Variants in XKR8 observed in about 807,000 individuals in gnomAD.
XKR8 encodes XK related 8, also known as XK-related protein 8.
Under a neutral mutation model 17.1 loss-of-function variants are expected in XKR8, and 10 were observed. The ratio of observed to expected loss-of-function variants is 0.59; its 90% CI spans 0.36 to 0.99. XKR8 has a LOEUF of 0.99. Among genes scored for constraint, XKR8 ranks in the 50% least tolerant of loss-of-function variants. The pLI, the probability that XKR8 is intolerant of heterozygous loss-of-function variation, is 0.01. For synonymous variants in XKR8, 213 were observed against 251.9 expected (o/e 0.85, Z 1.46); for missense variants, 411 against 515.6 (o/e 0.80, Z 1.96).
chr1:27,965,383 G>C lies in XKR8; in HGVS notation c.491-1120G>C, dbSNP rs866545335. Reference sequence around the variant, plus strand: ...GCTGCTGGGGGATCCCAAGTGAGCAGAGTCTGTTTTCTACCCTCGAGGAGC... The same window carrying C: ...GCTGCTGGGGGATCCCAAGTGAGCACAGTCTGTTTTCTACCCTCGAGGAGC... On this transcript the variant is annotated intron_variant, in intron 2 of 2. Coordinates refer to ENST00000373884, the MANE Select transcript of XKR8 (RefSeq NM_018053.4). The surrounding 1 kb of genome is among the most constrained non-coding windows in gnomAD (Gnocchi z 4.1). Among the ~76,000 whole-genome samples the C allele has an allele frequency of 1.1e-4, 17 of 152,174 alleles. No individual in the cohort carries two copies. Among genetic ancestry groups the C allele is most frequent in the African/African-American group, 3.9e-4 (16 of 41,436 alleles).
chr1:27,965,585 G>T lies in XKR8; in HGVS notation c.491-918G>T, dbSNP rs1055608093. On this transcript the variant is annotated intron_variant, in intron 2 of 2. Transcript: ENST00000373884. This position sits in a 1 kb window ranked among gnomAD's most constrained non-coding sequence, Gnocchi z 4.1. ...TGGAGGAGTAGGCCGGGGAAGTGGG[G>T]CCTGTGCTTCTGGCGACCTAACATC... Among the ~76,000 whole-genome samples, 9 of 152,102 alleles carry T rather than the reference G, an allele frequency of 5.9e-5. No individual in the cohort carries two copies. Among genetic ancestry groups the T allele is most frequent in the African/African-American group, 2.2e-4 (9 of 41,404 alleles).
intron 1 of XKR8, among the ~76,000 whole-genome samples, chr1:27,961,457 T>C (rs1165121011): frequency 6.6e-6 from 1 of 152,180 alleles, no homozygotes; most frequent in Non-Finnish European, 1.5e-5. Context: ...GAGCTTTGAA[T>C]GTGGCAGTTT....
At chr1:27,962,257 AT>A (rs1216245847) in intron 1 of XKR8, among the ~76,000 whole-genome samples, 1 of 152,164 alleles carries the variant, frequency 6.6e-6, no homozygotes, top group Non-Finnish European at 1.5e-5. Context: ...GCTGCTTATA[AT>A]TTTTTGTTTG....
Position 27,967,021 on chromosome 1 carries a change from T to A in XKR8, c.1009T>A (p.Tyr337Asn). The change falls in exon 3 of 3, where the codon TAC (tyrosine) becomes AAC (asparagine). Residue 337 changes from tyrosine (Y) to asparagine (N), a missense_variant. By Grantham distance (143) the Tyr-to-Asn change is moderately radical (BLOSUM62 -2). Transcript: ENST00000373884. The surrounding 1 kb of genome is among the most constrained non-coding windows in gnomAD (Gnocchi z 4.3). Reference protein sequence around the residue: ...FFLGLALRLVYYHWLHPSCCW... With the variant: ...FFLGLALRLVNYHWLHPSCCW... ...TCTGGGCCTGGCTCTGCGGCTTGTG[T>A]ACTACCACTGGCTGCACCCTAGCTG... 6.2e-7 allele frequency: 1 copy of A among 1,614,080 alleles called. No homozygotes were observed. The highest frequency in any genetic ancestry group is 8.5e-7 in the Non-Finnish European group (1 of 1,179,994).
In XKR8 at chr1:27,960,471, G is replaced by A; in HGVS notation, c.293+109G>A. 1.7e-6 allele frequency: 2 copies of A among 1,175,214 alleles called. No individual in the cohort carries two copies. Among genetic ancestry groups the A allele is most frequent in the Non-Finnish European group, 2.2e-6 (2 of 907,822 alleles). The allele number at this position is 1,175,214 out of a possible 1,614,324, so 72.8% of individuals were successfully genotyped here. A position where few individuals can be genotyped will look rare whatever the true frequency, so the allele number is the denominator to read the frequency against. On this transcript the variant is annotated intron_variant, in intron 1 of 2. Coordinates refer to ENST00000373884, the MANE Select transcript of XKR8 (RefSeq NM_018053.4). This position sits in a 1 kb window ranked among gnomAD's most constrained non-coding sequence, Gnocchi z 5.9. Reference sequence around the variant, plus strand: ...ATGCCGGGAAGGGGACTGGGAGAGGGAACCAAGTCCTGTGGGCGCCTGGCC... The same window carrying A: ...ATGCCGGGAAGGGGACTGGGAGAGGAAACCAAGTCCTGTGGGCGCCTGGCC...
intron 1 of XKR8, among the ~76,000 whole-genome samples, chr1:27,962,751 C>G (rs1196865304): frequency 6.6e-6 from 1 of 151,640 alleles, no homozygotes; most frequent in Non-Finnish European, 1.5e-5. Context: ...ACCACCACGT[C>G]CAACTAATTA....
rs752791121 is a variant in XKR8 at position 27,967,104 on chromosome 1, G to T, written c.1092G>T (p.Glu364Asp). 1 of 1,613,818 alleles carries T rather than the reference G, an allele frequency of 6.2e-7. No individual in the cohort carries two copies. Among genetic ancestry groups the T allele is most frequent in the South Asian group, 1.1e-5 (1 of 91,054 alleles). The change falls in exon 3 of 3, where the codon GAG becomes GAT. Residue 364 changes from glutamate to aspartate, a missense_variant. Transcript: ENST00000373884. This position sits in a 1 kb window ranked among gnomAD's most constrained non-coding sequence, Gnocchi z 4.3. ...VDGARSLLSP[E>D]GYQLPQNRRM... ...GGGCCCGGAGTCTGCTTTCTCCAGA[G>T]GGGTATCAGCTGCCTCAGAACAGGC...
At chr1:27,963,307 A>C (rs1442787154) in intron 1 of XKR8, among the ~76,000 whole-genome samples, 190 bp from the exon 2 acceptor site, 1 of 152,244 alleles carries the variant, frequency 6.6e-6, no homozygotes, top group African/African-American at 2.4e-5. Context: ...GGCATGAGCC[A>C]CCACACCCGG....
chr1:27,962,805 G>A (rs1488114338), intron 1 of XKR8, among the ~76,000 whole-genome samples: 4 of 151,908 alleles, frequency 2.6e-5, no homozygotes, highest in Non-Finnish European at 2.9e-5. Flanking sequence ...GTTGCCCAGG[G>A]TGGTCTCAAA....
chr1:27,960,392 T>A lies in XKR8; in HGVS notation c.293+30T>A. On this transcript the variant is annotated intron_variant, in intron 1 of 2. Coordinates refer to ENST00000373884, the MANE Select transcript of XKR8 (RefSeq NM_018053.4). This position sits in a 1 kb window ranked among gnomAD's most constrained non-coding sequence, Gnocchi z 5.9. ...GTGCTTCGCCCCGGGAGGGGAGGAGTGTCGGAGCCCAGCACCTCCGTCAGC... is the reference window on the plus strand; with the variant it reads ...GTGCTTCGCCCCGGGAGGGGAGGAGAGTCGGAGCCCAGCACCTCCGTCAGC... The A allele has an allele frequency of 7.4e-7, 1 of 1,354,042 alleles. No individual in the cohort carries two copies. The highest frequency in any genetic ancestry group is 9.5e-7 in the Non-Finnish European group (1 of 1,058,114). The allele number at this position is 1,354,042 out of a possible 1,614,324, so 83.9% of individuals were successfully genotyped here.
Position 27,966,997 on chromosome 1 carries a change from C to T in XKR8, c.985C>T (p.Leu329=), listed in dbSNP as rs777658394. 1.2e-6 allele frequency: 2 copies of T among 1,614,212 alleles called. No homozygotes were observed. Among genetic ancestry groups the T allele is most frequent in the African/African-American group, 2.7e-5 (2 of 75,064 alleles). ...WLPVGCGCFF[L]GLALRLVYYH... ...GCCTGTGGGATGCGGCTGCTTCTTT[C>T]TGGGCCTGGCTCTGCGGCTTGTGTA... The change falls in exon 3 of 3, where the codon CTG becomes TTG. Residue 329 remains leucine (L), a synonymous_variant. Coordinates refer to ENST00000373884, the MANE Select transcript of XKR8 (RefSeq NM_018053.4). This position sits in a 1 kb window ranked among gnomAD's most constrained non-coding sequence, Gnocchi z 4.3.
At position 27,966,682 on chromosome 1, in the gene XKR8, C is replaced by G; in HGVS notation, c.670C>G (p.Leu224Val). 6.2e-7 allele frequency: 1 copy of G among 1,614,140 alleles called. No homozygotes were observed. The highest frequency in any genetic ancestry group is 8.5e-7 in the Non-Finnish European group (1 of 1,180,018). The change falls in exon 3 of 3, where the codon CTC (leucine) becomes GTC (valine). Residue 224 changes from leucine to valine, a missense_variant. Leu to Val is a conservative substitution (Grantham distance 32). Transcript: ENST00000373884. This position sits in a 1 kb window ranked among gnomAD's most constrained non-coding sequence, Gnocchi z 4.3. ...RVLAVALFSALFPSYVALHFL... is the reference protein window; with the variant it reads ...RVLAVALFSAVFPSYVALHFL... ...CCTGGCTGTGGCCCTGTTCTCAGCC[C>G]TCTTCCCCAGCTATGTGGCCCTGCA... is the stretch of plus-strand genomic sequence containing the variant.
rs759659443 is a variant in XKR8, at chr1:27,967,098, T to G, written c.1086T>G (p.Ser362=). The change falls in exon 3 of 3, where the codon TCT becomes TCG. Residue 362 remains serine, a synonymous_variant. Transcript: ENST00000373884. The surrounding 1 kb of genome is among the most constrained non-coding windows in gnomAD (Gnocchi z 4.3). ...TAGACGGGGCCCGGAGTCTGCTTTCTCCAGAGGGGTATCAGCTGCCTCAGA... is the reference window on the plus strand; with the variant it reads ...TAGACGGGGCCCGGAGTCTGCTTTCGCCAGAGGGGTATCAGCTGCCTCAGA... The part of the protein sequence containing the change: ...DQVDGARSLL[S]PEGYQLPQNR... 1 of 1,613,868 alleles carries G rather than the reference T, an allele frequency of 6.2e-7. No individual in the cohort carries two copies. Among genetic ancestry groups the G allele is most frequent in the Non-Finnish European group, 8.5e-7 (1 of 1,179,818 alleles).
At chr1:27,963,081 T>G (rs1485447732) in intron 1 of XKR8, among the ~76,000 whole-genome samples, 3 of 152,126 alleles carry the variant, frequency 2.0e-5, no homozygotes, top group African/African-American at 7.2e-5. Context: ...TGGAGTGCAG[T>G]GGCACGATCT....
chr1:27,965,943 C>T lies in XKR8; in HGVS notation c.491-560C>T, dbSNP rs759026593. Reference sequence around the variant, plus strand: ...GGAAAATCAAGGTTAGGGGTCAGTCCGATGGCCTCTGGTCTTGGAGGGGAG... The same window carrying T: ...GGAAAATCAAGGTTAGGGGTCAGTCTGATGGCCTCTGGTCTTGGAGGGGAG... On this transcript the variant is annotated intron_variant, in intron 2 of 2. Coordinates refer to ENST00000373884, the MANE Select transcript of XKR8 (RefSeq NM_018053.4). The surrounding 1 kb of genome is among the most constrained non-coding windows in gnomAD (Gnocchi z 4.1). Among the ~76,000 whole-genome samples the T allele has an allele frequency of 6.6e-6, 1 of 151,980 alleles. No homozygotes were observed. The highest frequency in any genetic ancestry group is 1.5e-5 in the Non-Finnish European group (1 of 67,988).
chr1:27,960,109 G>A lies in XKR8; in HGVS notation c.40G>A (p.Val14Ile), dbSNP rs971634189. 2.5e-5 allele frequency: 38 copies of A among 1,512,048 alleles called. No homozygotes were observed. The highest frequency in any genetic ancestry group is 3.1e-5 in the Non-Finnish European group (35 of 1,137,164). The allele number at this position is 1,512,048 out of a possible 1,614,324, so 93.7% of individuals were successfully genotyped here. A position where few individuals can be genotyped will look rare whatever the true frequency, so the allele number is the denominator to read the frequency against. Residue 14 changes from valine (V) to isoleucine (I), a missense_variant, in exon 1 of 3, where the codon GTC becomes ATC. By Grantham distance (29) the Val-to-Ile change is conservative. Coordinates refer to ENST00000373884, the MANE Select transcript of XKR8 (RefSeq NM_018053.4). This position sits in a 1 kb window ranked among gnomAD's most constrained non-coding sequence, Gnocchi z 5.9. ...CCGCGGCGCCCTCCTTCGGGACCTG[G>A]TCCTGGGCGTGCTGGGCACCGCCGC... is the stretch of plus-strand genomic sequence containing the variant. ...SSRGALLRDL[V>I]LGVLGTAAFL...
Position 27,961,382 on chromosome 1 carries a change from T to G in XKR8, c.293+1020T>G, listed in dbSNP as rs147136327. 7.1e-3 allele frequency among the ~76,000 whole-genome samples: 1,074 copies of G among 152,222 alleles called. 6 individuals are homozygous for G. Among genetic ancestry groups the G allele is most frequent in the Non-Finnish European group, 0.011 (742 of 67,982 alleles). On this transcript the variant is annotated intron_variant, in intron 1 of 2. Coordinates refer to ENST00000373884, the MANE Select transcript of XKR8 (RefSeq NM_018053.4). ...GGGCCAGGATCTGCTCTTGAATCCG[T>G]TTTTACAAACTCTTGAGATCTGGCC...
At chr1:27,963,407 G>A in intron 1 of XKR8, 90 bp from the exon 2 acceptor site, 1 of 1,450,752 alleles carries the variant, frequency 6.9e-7, no homozygotes, top group Non-Finnish European at 9.3e-7. Flanking sequence ...AGACAGGTTG[G>A]AGCCTGTGTC....
rs1571675331 is a variant in XKR8, at chr1:27,965,202, G to A, written c.491-1301G>A. ...GTTACTGGGCACTCACTGGGCACAC[G>A]TCTTTGTCTGTTGAGGGTTGGGGGT... On this transcript the variant is annotated intron_variant, in intron 2 of 2. Transcript: ENST00000373884. This position sits in a 1 kb window ranked among gnomAD's most constrained non-coding sequence, Gnocchi z 4.1. Among the ~76,000 whole-genome samples, 2 of 152,096 alleles carry A rather than the reference G, an allele frequency of 1.3e-5. No homozygotes were observed. Among genetic ancestry groups the A allele is most frequent in the East Asian group, 3.9e-4 (2 of 5,186 alleles).
Sources: gnomAD v4.1 joint callset for allele counts (sites outside exome capture counted in the v4.1 genomes callset) on GRCh38, gnomAD v4.1.1 for gene constraint, Gnocchi (gnomAD v3.1) non-coding constraint, MANE v1.5 for transcripts, NCBI Gene and HGNC (gene_info 2026-07-23, HGNC 2026-07-21) for gene names.